The following PREX2 variants were observed in gnomAD, a reference collection of about 807,000 sequenced individuals.
PREX2 encodes the protein phosphatidylinositol-3,4,5-trisphosphate dependent Rac exchange factor 2.
In PREX2, 107 loss-of-function variants were observed where a neutral mutation model predicts 203.2. The observed-to-expected ratio is 0.53, with a 90% CI of 0.45 to 0.62. The LOEUF (loss-of-function observed/expected upper bound fraction) is 0.62, where lower values mean the gene tolerates loss of function less well. PREX2 is among the 20% of genes least tolerant of loss of function. The pLI, the probability that PREX2 is intolerant of heterozygous loss-of-function variation, is 0.00. For synonymous variants in PREX2, 672 were observed against 663.6 expected (o/e 1.01, Z -0.19); for missense variants, 1,777 against 1,955.9 (o/e 0.91, Z 1.72).
chr8:68,178,828 A>G (rs904085782), intron 35 of PREX2, among the ~76,000 whole-genome samples: 1 of 152,168 alleles, frequency 6.6e-6, no homozygotes, highest in African/African-American at 2.4e-5. Flanking sequence ...GAAGGAAGAG[A>G]TTTCAAAGCA....
chr8:68,173,745 AAGTAGGAGC>A (rs1811925871), intron 35 of PREX2, among the ~76,000 whole-genome samples: 1 of 152,146 alleles, frequency 6.6e-6, no homozygotes, highest in Non-Finnish European at 1.5e-5. Context: ...TCTGGCTGAC[AAGTAGGAGC>A]AGATGAAATC....
At chr8:68,135,455 G>A (rs954325398) in intron 32 of PREX2, among the ~76,000 whole-genome samples, 27 of 152,236 alleles carry the variant, frequency 1.8e-4, no homozygotes, top group African/African-American at 6.3e-4. Context: ...ATATAAAAAT[G>A]TCCAAAAAGC....
chr8:67,983,027 G>A (rs1301506452), intron 1 of PREX2, among the ~76,000 whole-genome samples: 1 of 152,112 alleles, frequency 6.6e-6, no homozygotes, highest in Non-Finnish European at 1.5e-5. Flanking sequence ...TTAAGCTTTA[G>A]TTTTTATCTC....
At chr8:68,127,999 A>G in intron 31 of PREX2, among the ~76,000 whole-genome samples, 1 of 152,216 alleles carries the variant, frequency 6.6e-6, no homozygotes, top group East Asian at 1.9e-4. Flanking sequence ...TTCAACAAAT[A>G]TTTATGGCAA....
At chr8:68,176,546 A>G (rs558637521) in intron 35 of PREX2, among the ~76,000 whole-genome samples, 6 of 152,298 alleles carry the variant, frequency 3.9e-5, no homozygotes, top group African/African-American at 1.4e-4. Flanking sequence ...CAGGCTTGAT[A>G]TTAATATTTT....
intron 35 of PREX2, 64 bp downstream of exon 35, chr8:68,157,500 A>G: frequency 1.3e-6 from 1 of 756,052 alleles, no homozygotes; most frequent in Non-Finnish European, 2.2e-6. Flanking sequence ...TATTAATAGG[A>G]CTTTTGATGC....
intron 17 of PREX2, 98 bp from the exon 18 acceptor site, chr8:68,083,142 C>A: frequency 1.2e-6 from 1 of 838,118 alleles, no homozygotes; most frequent in Non-Finnish European, 1.8e-6. Flanking sequence ...ATGTCAATAT[C>A]TATAAGCTCT....
intron 35 of PREX2, among the ~76,000 whole-genome samples, chr8:68,157,712 A>C (rs1811568913): frequency 6.6e-6 from 1 of 152,104 alleles, no homozygotes; most frequent in South Asian, 2.1e-4. Context: ...GACCGTTTCC[A>C]AGAAAGAAAA....
chr8:68,228,153 C>G (rs1813089112), intron 39 of PREX2, among the ~76,000 whole-genome samples: 1 of 152,148 alleles, frequency 6.6e-6, no homozygotes, highest in African/African-American at 2.4e-5. Flanking sequence ...GCAATAAGCC[C>G]CTCTTCCTCA....
intron 10 of PREX2, among the ~76,000 whole-genome samples, chr8:68,056,284 C>T (rs1175090404): frequency 6.6e-6 from 1 of 151,964 alleles, no homozygotes; most frequent in Non-Finnish European, 1.5e-5. Flanking sequence ...CTGCAGGGGA[C>T]AGGATGACTG....
At chr8:67,989,470 G>A (rs2129609433) in intron 1 of PREX2, among the ~76,000 whole-genome samples, 1 of 152,174 alleles carries the variant, frequency 6.6e-6, no homozygotes, top group East Asian at 1.9e-4. Flanking sequence ...AATGACTTGT[G>A]TTTTTGTTAC....
chr8:68,068,983 G>GC, intron 11 of PREX2, 50 bp from the exon 12 acceptor site: 1 of 705,496 alleles, frequency 1.4e-6, no homozygotes. Context: ...CTGTTTATCT[G>GC]CCCCCTTTTA....
chr8:68,143,894 T>G (rs1365279025), intron 33 of PREX2, among the ~76,000 whole-genome samples: 1 of 152,184 alleles, frequency 6.6e-6, no homozygotes, highest in Non-Finnish European at 1.5e-5. Flanking sequence ...TCTAGATTTA[T>G]GTTTTTGCAT....
rs78976220 is a variant in PREX2, at chr8:67,997,296, G to A, written c.142-20550G>A. On this transcript the variant is annotated intron_variant, in intron 1 of 39. Transcript: ENST00000288368. ...CTTAACCATGGAGGAAACGTCCCAA[G>A]ACCCCCAGCAGATTTCTGAAACTGC... Among the ~76,000 whole-genome samples the A allele has an allele frequency of 7.8e-3, 1,183 of 151,972 alleles. 11 individuals carry two copies. The highest frequency in any genetic ancestry group is 0.014 in the Non-Finnish European group (955 of 67,966).
At chr8:68,193,192 T>C (rs1339179657) in intron 37 of PREX2, among the ~76,000 whole-genome samples, 1 of 152,194 alleles carries the variant, frequency 6.6e-6, no homozygotes, top group East Asian at 1.9e-4. Flanking sequence ...ATCATATGCT[T>C]TCGCCTCTCC....
chr8:68,182,137 A>C (rs756478864), intron 35 of PREX2, among the ~76,000 whole-genome samples: 10 of 152,106 alleles, frequency 6.6e-5, no homozygotes, highest in Non-Finnish European at 1.3e-4. Flanking sequence ...AAATAAAGGA[A>C]AGCTCAGCCT....
At chr8:68,113,976 C>T (rs1395565131) in intron 25 of PREX2, among the ~76,000 whole-genome samples, 1 of 152,156 alleles carries the variant, frequency 6.6e-6, no homozygotes, top group Non-Finnish European at 1.5e-5. Flanking sequence ...ATTCTCCTGC[C>T]TCAGTCTCCT....
rs545704562 is a variant in PREX2 at position 68,180,491 on chromosome 8, G to C, written c.4347-11231G>C. Among the ~76,000 whole-genome samples the C allele has an allele frequency of 3.3e-5, 5 of 152,168 alleles. No individual in the cohort carries two copies. The East Asian group carries it at 9.7e-4, about 29-fold the overall frequency. ...TGGAGTTCAGAGTTATGAGTTTACA[G>C]ATTTGGGTCCCTAAGAGGAAAACAA... On this transcript the variant is annotated intron_variant, in intron 35 of 39. Coordinates refer to ENST00000288368, the MANE Select transcript of PREX2 (RefSeq NM_024870.4).
chr8:68,204,589 ATC>A (rs1333538064), intron 37 of PREX2, among the ~76,000 whole-genome samples: 5 of 150,488 alleles, frequency 3.3e-5, no homozygotes, highest in Non-Finnish European at 7.4e-5. Flanking sequence ...GCTGTTACCC[ATC>A]TCTGCTGCAT....
Sources: gnomAD v4.1 joint callset for allele counts (sites outside exome capture counted in the v4.1 genomes callset) on GRCh38, gnomAD v4.1.1 for gene constraint, MANE v1.5 for transcripts, NCBI Gene and HGNC (gene_info 2026-07-23, HGNC 2026-07-21) for gene names.